SH3D19: variants seen among roughly 807,000 people sequenced by gnomAD.
SH3D19 encodes the protein SH3 domain-containing protein 19.
Under a neutral mutation model 112.1 loss-of-function variants are expected in SH3D19, and 58 were observed. That is an observed-to-expected ratio of 0.52 (90% CI 0.42 to 0.64). SH3D19 has a LOEUF of 0.64. Among genes scored for constraint, SH3D19 ranks in the 30% least tolerant of loss-of-function variants. The probability of loss-of-function intolerance (pLI) is 0.00; values close to 1 mark genes in which losing one functional copy is unlikely to be tolerated. For missense variants in SH3D19, 1,090 were observed against 1,263.4 expected (o/e 0.86, Z 2.08); for synonymous variants, 391 against 448.5 (o/e 0.87, Z 1.62).
rs146984485 is a variant in SH3D19 at position 151,243,821 on chromosome 4, A to G, written c.113-17735T>C. On this transcript the variant is annotated intron_variant, in intron 1 of 19. Coordinates refer to ENST00000604030, the MANE Select transcript of SH3D19 (RefSeq NM_001378122.1). Reference sequence around the variant, plus strand: ...TTGCTATTCTTGGATATAAGCTCAGAGAAGACTGAGTACTGCAGTTTGAGA... The same window carrying G: ...TTGCTATTCTTGGATATAAGCTCAGGGAAGACTGAGTACTGCAGTTTGAGA... Among the ~76,000 whole-genome samples the G allele has an allele frequency of 2.4e-3, 369 of 152,340 alleles. 3 individuals carry two copies. The highest frequency in any genetic ancestry group is 7.6e-3 in the African/African-American group (314 of 41,568).
intron 10 of SH3D19, 108 bp from the exon 11 acceptor site, chr4:151,148,294 C>A: frequency 9.4e-7 from 1 of 1,067,916 alleles, no homozygotes; most frequent in Non-Finnish European, 1.3e-6. Flanking sequence ...CACACAGAGA[C>A]ACAGCTTTCT....
chr4:151,237,110 G>T (rs564322708), intron 1 of SH3D19, among the ~76,000 whole-genome samples: 4 of 151,980 alleles, frequency 2.6e-5, no homozygotes, highest in African/African-American at 9.7e-5. Context: ...AACATGCACC[G>T]CGAAAGTCTG....
chr4:151,322,067 T>C (rs1309837763), intron 1 of SH3D19, among the ~76,000 whole-genome samples: 1 of 152,162 alleles, frequency 6.6e-6, no homozygotes, highest in Non-Finnish European at 1.5e-5. Context: ...CCTCAGCACA[T>C]GAAACCCAAA....
At chr4:151,216,492 CTT>C (rs373766564) in intron 2 of SH3D19, among the ~76,000 whole-genome samples, 6 of 152,178 alleles carry the variant, frequency 3.9e-5, no homozygotes, top group Non-Finnish European at 8.8e-5. Context: ...TAAACAACTA[CTT>C]CTAAATTATA....
At chr4:151,213,681 TTA>T (rs1554055384) in intron 2 of SH3D19, among the ~76,000 whole-genome samples, 281 of 149,536 alleles carry the variant, frequency 1.9e-3, no homozygotes, top group African/African-American at 6.4e-3. Context: ...AATTAATTAA[TTA>T]ATTAATTTAT....
chr4:151,262,907 T>G (rs1346392386), intron 1 of SH3D19: 3 of 152,232 alleles, frequency 2.0e-5, no homozygotes, highest in Non-Finnish European at 4.4e-5. Flanking sequence ...TGGGCCTCTC[T>G]GGGCTCCTGC....
At chr4:151,247,072 T>G (rs1190556829) in intron 1 of SH3D19, among the ~76,000 whole-genome samples, 2 of 152,200 alleles carry the variant, frequency 1.3e-5, no homozygotes, top group Non-Finnish European at 2.9e-5. Flanking sequence ...TGTGTATTAC[T>G]TTTCTTATTT....
At position 151,241,037 on chromosome 4, in the gene SH3D19, CA is replaced by C. The variant is rs533941242; in HGVS notation, c.113-14952del. ...AGAAGCCAGCCAGGTGTAATCCCAA[CA>C]CTTTGGGAGGCTGAAGTGGGAGGAT... is the stretch of plus-strand genomic sequence containing the variant. On this transcript the variant is annotated intron_variant, in intron 1 of 19. Coordinates refer to ENST00000604030, the MANE Select transcript of SH3D19 (RefSeq NM_001378122.1). Among the ~76,000 whole-genome samples, 64 of 151,934 alleles carry C rather than the reference CA, an allele frequency of 4.2e-4. 3 individuals are homozygous for C. Among genetic ancestry groups the C allele is most frequent in the African/African-American group, 1.5e-3 (61 of 41,268 alleles).
At chr4:151,175,876 C>CTTTT (rs754178916) in intron 6 of SH3D19, among the ~76,000 whole-genome samples, 1 of 146,456 alleles carries the variant, frequency 6.8e-6, no homozygotes, top group Admixed American at 6.8e-5. Flanking sequence ...TCATATAACA[C>CTTTT]TTTTTTTTTT....
chr4:151,124,066 C>T (rs890580036), intron 19 of SH3D19, among the ~76,000 whole-genome samples: 1 of 151,732 alleles, frequency 6.6e-6, no homozygotes, highest in Non-Finnish European at 1.5e-5. Flanking sequence ...TTATTTAGGT[C>T]TGGTCCAAAC....
Position 151,122,003 on chromosome 4 carries a change from TAA to T in SH3D19, c.*86_*87del. 2.8e-6 allele frequency: 2 copies of T among 707,666 alleles called. No individual in the cohort carries two copies. The highest frequency in any genetic ancestry group is 4.9e-6 in the Non-Finnish European group (2 of 404,970). 43.8% of individuals were successfully genotyped at this position (707,666 alleles called of 1,614,324 possible). On this transcript the variant is annotated 3_prime_UTR_variant, in exon 20 of 20. Coordinates refer to ENST00000604030, the MANE Select transcript of SH3D19 (RefSeq NM_001378122.1). ...ACAGCTTAGATATTTCTTTTTCAGT[TAA>T]AAAAAATAGTGCAAAAACATATCTG...
chr4:151,143,539 T>G (rs1371288470), intron 12 of SH3D19, among the ~76,000 whole-genome samples: 1 of 152,002 alleles, frequency 6.6e-6, no homozygotes. Context: ...GAAGAAAAAA[T>G]GGGAAAAGAT....
At chr4:151,294,517 C>T (rs1173966691) in intron 1 of SH3D19, among the ~76,000 whole-genome samples, 1 of 152,250 alleles carries the variant, frequency 6.6e-6, no homozygotes, top group Non-Finnish European at 1.5e-5. Flanking sequence ...GCACCTAACA[C>T]AACAGTTGCC....
At chr4:151,219,148 G>A (rs1347668049) in intron 2 of SH3D19, among the ~76,000 whole-genome samples, 1 of 151,954 alleles carries the variant, frequency 6.6e-6, no homozygotes, top group Non-Finnish European at 1.5e-5. Flanking sequence ...TCCAGTTTTG[G>A]CAGTAAGTCA....
At chr4:151,314,944 C>A (rs570055715) in intron 1 of SH3D19, among the ~76,000 whole-genome samples, 2 of 152,124 alleles carry the variant, frequency 1.3e-5, no homozygotes, top group Non-Finnish European at 1.5e-5. Context: ...TGAGTGAACC[C>A]CCTTTAAAGA....
intron 1 of SH3D19, among the ~76,000 whole-genome samples, chr4:151,246,907 G>A (rs1770985738): frequency 6.6e-6 from 1 of 152,170 alleles, no homozygotes; most frequent in Non-Finnish European, 1.5e-5. Context: ...CATAGAACCT[G>A]CAGTTAATAC....
chr4:151,223,727 T>C (rs1768481198), intron 2 of SH3D19, among the ~76,000 whole-genome samples: 3 of 152,188 alleles, frequency 2.0e-5, no homozygotes, highest in South Asian at 4.1e-4. Flanking sequence ...ATGGTTTAGC[T>C]TTGACTTTTA....
At chr4:151,196,382 T>C (rs1216995809) in intron 2 of SH3D19, among the ~76,000 whole-genome samples, 2 of 152,054 alleles carry the variant, frequency 1.3e-5, no homozygotes, top group East Asian at 3.9e-4. Context: ...TGGGCCAGGA[T>C]GGCACCACCA....
chr4:151,193,681 T>C (rs1486903103), intron 2 of SH3D19, among the ~76,000 whole-genome samples: 1 of 152,196 alleles, frequency 6.6e-6, no homozygotes, highest in Non-Finnish European at 1.5e-5. Flanking sequence ...ATGGAACAGA[T>C]ACAACTTGGT....
Sources: allele counts gnomAD v4.1 joint callset (sites outside exome capture counted in the v4.1 genomes callset), GRCh38; gene constraint gnomAD v4.1.1; transcripts MANE v1.5; gene names NCBI Gene and HGNC (gene_info 2026-07-23, HGNC 2026-07-21).